C6: variants seen among roughly 807,000 people sequenced by gnomAD.
The protein encoded by C6 is complement component C6.
In C6, 101 loss-of-function variants were observed where a neutral mutation model predicts 112.9. The ratio of observed to expected loss-of-function variants is 0.89; its 90% CI spans 0.76 to 1.06. The LOEUF is 1.06. Among genes scored for constraint, C6 ranks in the 50% least tolerant of loss-of-function variants. The pLI is 0.00. For synonymous variants in C6, 431 were observed against 384.1 expected (o/e 1.12, Z -1.43); for missense variants, 1,202 against 1,104.6 (o/e 1.09, Z -1.25).
At chr5:41,208,251 G>A (rs1011951170) in intron 1 of C6, among the ~76,000 whole-genome samples, 25 of 152,100 alleles carry the variant, frequency 1.6e-4, no homozygotes, top group Non-Finnish European at 3.2e-4. Flanking sequence ...AGCACTAAAT[G>A]CCCACAAGAG....
intron 1 of C6, among the ~76,000 whole-genome samples, chr5:41,208,585 A>G (rs891638174): frequency 2.0e-5 from 3 of 152,226 alleles, no homozygotes; most frequent in Non-Finnish European, 4.4e-5. Context: ...AGAAAATACT[A>G]TAAACACCTC....
At chr5:41,254,740 GACA>G (rs1741576677) in intron 1 of C6, among the ~76,000 whole-genome samples, 1 of 152,164 alleles carries the variant, frequency 6.6e-6, no homozygotes, top group Non-Finnish European at 1.5e-5. Context: ...TAATCAAATT[GACA>G]ACATTTTATC....
intron 1 of C6, among the ~76,000 whole-genome samples, chr5:41,227,905 T>G (rs2150410350): frequency 6.6e-6 from 1 of 152,302 alleles, no homozygotes; most frequent in South Asian, 2.1e-4. Flanking sequence ...GGTAGTGTGA[T>G]GCCTCCAGCT....
chr5:41,233,699 T>C (rs1740049992), intron 1 of C6, among the ~76,000 whole-genome samples: 1 of 152,020 alleles, frequency 6.6e-6, no homozygotes, highest in African/African-American at 2.4e-5. Flanking sequence ...ATTGTAGTTA[T>C]TAATAAGAGC....
intron 1 of C6, among the ~76,000 whole-genome samples, chr5:41,259,795 G>A (rs116167890): frequency 0.017 from 2,597 of 152,078 alleles, 62 homozygotes; most frequent in African/African-American, 0.059. Flanking sequence ...CCCAAATGTC[G>A]TACCTATTAA....
At chr5:41,162,316 G>T (rs1444342760) in intron 9 of C6, among the ~76,000 whole-genome samples, 1 of 152,106 alleles carries the variant, frequency 6.6e-6, no homozygotes, top group African/African-American at 2.4e-5. Flanking sequence ...TGGGTGCCCA[G>T]AATAAGATAA....
chr5:41,227,503 G>T (rs905370100), intron 1 of C6, among the ~76,000 whole-genome samples: 2 of 151,982 alleles, frequency 1.3e-5, no homozygotes, highest in Non-Finnish European at 2.9e-5. Flanking sequence ...CTGTGCTTTT[G>T]GGGTCACATC....
In C6 at chr5:41,248,195, G is replaced by A. The variant is rs140879707; in HGVS notation, c.-21+12999C>T. The stretch of plus-strand genomic sequence containing the variant: ...CTCAAGTTAGCTTAAAATTTTAAAT[G>A]TAACAACTCAAAACTATGAGAATCC... On this transcript the variant is annotated intron_variant, in intron 1 of 17. Transcript: ENST00000263413. 2.1e-4 allele frequency among the ~76,000 whole-genome samples: 32 copies of A among 152,266 alleles called. 1 individual carries two copies. The East Asian group carries it at 5.2e-3, about 25-fold the overall frequency.
At chr5:41,163,021 A>T (rs113119714) in intron 9 of C6, among the ~76,000 whole-genome samples, 37 of 152,278 alleles carry the variant, frequency 2.4e-4, no homozygotes, top group African/African-American at 8.9e-4. Context: ...GGTAAGGGTT[A>T]TCTGTGAGGG....
At chr5:41,230,200 G>C (rs1008289791) in intron 1 of C6, among the ~76,000 whole-genome samples, 2 of 152,058 alleles carry the variant, frequency 1.3e-5, no homozygotes, top group African/African-American at 4.8e-5. Flanking sequence ...TGAAATCAGT[G>C]CACCTTGAAA....
intron 1 of C6, among the ~76,000 whole-genome samples, chr5:41,220,155 AT>A (rs1487542250): frequency 6.6e-6 from 1 of 152,116 alleles, no homozygotes; most frequent in Non-Finnish European, 1.5e-5. Context: ...TGGTTTCCTG[AT>A]TTCTTGCCAT....
chr5:41,181,299 T>C, intron 7 of C6, 60 bp downstream of exon 7: 1 of 1,424,366 alleles, frequency 7.0e-7, no homozygotes, highest in Non-Finnish European at 9.9e-7. Flanking sequence ...TATTGCATGA[T>C]TACTGGAATT....
chr5:41,147,781 A>G (rs1745975831), intron 17 of C6, among the ~76,000 whole-genome samples: 2 of 152,188 alleles, frequency 1.3e-5, no homozygotes, highest in Non-Finnish European at 2.9e-5. Context: ...AATAAAGCTT[A>G]GTTGGGCTAT....
In C6 at chr5:41,166,576, G is replaced by A. The variant is rs796768008; in HGVS notation, c.1292-4717C>T. Among the ~76,000 whole-genome samples, 11 of 152,184 alleles carry A rather than the reference G, an allele frequency of 7.2e-5. 1 individual carries two copies. Among genetic ancestry groups the A allele is most frequent in the African/African-American group, 2.6e-4 (11 of 41,536 alleles). ...AGCACATCTATTAAACATTTATAATGTGCTAAACATGGTATGAAGTACTGA... is the reference window on the plus strand; with the variant it reads ...AGCACATCTATTAAACATTTATAATATGCTAAACATGGTATGAAGTACTGA... On this transcript the variant is annotated intron_variant, in intron 9 of 17. Transcript: ENST00000337836.
chr5:41,195,203 CTTACG>C (rs1310094549), intron 5 of C6, among the ~76,000 whole-genome samples: 2 of 152,216 alleles, frequency 1.3e-5, no homozygotes, highest in African/African-American at 4.8e-5. Context: ...CTCTTACTCT[CTTACG>C]TTTTCACACC....
chr5:41,201,091 CTATATG>C (rs893421200), intron 3 of C6, among the ~76,000 whole-genome samples: 1 of 151,720 alleles, frequency 6.6e-6, no homozygotes, highest in Non-Finnish European at 1.5e-5. Context: ...TATCTTCAGG[CTATATG>C]TATAAGGTAT....
At chr5:41,172,172 G>T (rs149118295) in intron 9 of C6, 53 bp downstream of exon 9, 4 of 1,593,750 alleles carry the variant, frequency 2.5e-6, no homozygotes, top group Non-Finnish European at 3.4e-6. Context: ...GTCTGTAAAT[G>T]ACAGCCAGGC....
intron 13 of C6, among the ~76,000 whole-genome samples, chr5:41,157,983 T>C (rs558195239): frequency 2.0e-5 from 3 of 152,296 alleles, no homozygotes; most frequent in East Asian, 3.9e-4. Context: ...TTGAGTGTTA[T>C]TGATCTTTTA....
rs1474495962 is a variant in C6, at chr5:41,252,019, G to A, written c.-21+9175C>T. Among the ~76,000 whole-genome samples the A allele has an allele frequency of 2.6e-5, 4 of 152,156 alleles. No individual in the cohort carries two copies. The East Asian group carries it at 7.7e-4, about 29-fold the overall frequency. ...CTTATGGCAAAAGATTTTATAGCGT[G>A]GCTATCTTTTCCAGATGCTTGGGCC... is the stretch of plus-strand genomic sequence containing the variant. On this transcript the variant is annotated intron_variant, in intron 1 of 17. Transcript: ENST00000263413.
Sources: gnomAD v4.1 joint callset for allele counts (sites outside exome capture counted in the v4.1 genomes callset) on GRCh38, gnomAD v4.1.1 for gene constraint, MANE v1.5 for transcripts, NCBI Gene and HGNC (gene_info 2026-07-23, HGNC 2026-07-21) for gene names.